Variants in MB21D2 observed in about 807,000 individuals in gnomAD.
MB21D2 encodes the protein nucleotidyltransferase MB21D2.
In MB21D2, 9 loss-of-function variants were observed where a neutral mutation model predicts 33.3. The ratio of observed to expected loss-of-function variants is 0.27; its 90% CI spans 0.16 to 0.47. MB21D2 has a LOEUF of 0.47. MB21D2 is among the 20% of genes least tolerant of loss of function. The pLI, the probability that MB21D2 is intolerant of heterozygous loss-of-function variation, is 0.99. For synonymous variants in MB21D2, 241 were observed against 236.3 expected (o/e 1.02, Z -0.18); for missense variants, 540 against 624.6 (o/e 0.86, Z 1.44).
At position 192,811,162 on chromosome 3, in the gene MB21D2, T is replaced by TC. The variant is rs201221005; in HGVS notation, c.212-11513dup. Among the ~76,000 whole-genome samples, 1,015 of 152,312 alleles carry TC rather than the reference T, an allele frequency of 6.7e-3. 13 individuals carry two copies. Among genetic ancestry groups the TC allele is most frequent in the African/African-American group, 0.023 (939 of 41,560 alleles). ...GAATCAGTAGATAAATGCCCTAGCTTCCCCAGACTCTGTGGGCGATTCTAC... is the reference window on the plus strand; with the variant it reads ...GAATCAGTAGATAAATGCCCTAGCTTCCCCCAGACTCTGTGGGCGATTCTAC... On this transcript the variant is annotated intron_variant, in intron 1 of 1. Transcript: ENST00000392452.
chr3:192,836,027 G>T (rs944623157), intron 1 of MB21D2, among the ~76,000 whole-genome samples: 4 of 152,142 alleles, frequency 2.6e-5, no homozygotes, highest in Admixed American at 6.5e-5. Flanking sequence ...GCAATAGTGA[G>T]GTCAGAGAGT....
At chr3:192,872,865 G>A (rs1713340134) in intron 1 of MB21D2, among the ~76,000 whole-genome samples, 1 of 152,090 alleles carries the variant, frequency 6.6e-6, no homozygotes, top group Non-Finnish European at 1.5e-5. Context: ...CACACATTAG[G>A]GGTGCCATTA....
rs1344113484 is a variant in MB21D2, at chr3:192,844,926, T to C, written c.212-45276A>G. On this transcript the variant is annotated intron_variant, in intron 1 of 1. Transcript: ENST00000392452. ...TCTCGGCCAGGCGGTTGGCAGCCTC[T>C]TTCTCTTTTTTCCTCCCAAGGAAGG... Among the ~76,000 whole-genome samples the C allele has an allele frequency of 2.0e-5, 3 of 152,184 alleles. No homozygotes were observed. The East Asian group carries it at 5.8e-4, about 29-fold the overall frequency.
intron 1 of MB21D2, among the ~76,000 whole-genome samples, chr3:192,906,243 T>C (rs939571541): frequency 1.2e-4 from 19 of 152,126 alleles, no homozygotes; most frequent in African/African-American, 4.6e-4. Flanking sequence ...GTAATCCAAC[T>C]CTTCTACATT....
intron 1 of MB21D2, among the ~76,000 whole-genome samples, chr3:192,822,871 G>A (rs116121641): frequency 1.4e-3 from 206 of 152,222 alleles, no homozygotes; most frequent in African/African-American, 4.6e-3. Flanking sequence ...ATTCTTAAAC[G>A]AGCACTCCGA....
intron 1 of MB21D2, among the ~76,000 whole-genome samples, chr3:192,828,735 G>A (rs1262046269): frequency 6.8e-6 from 1 of 147,214 alleles, no homozygotes; most frequent in Non-Finnish European, 1.5e-5. Flanking sequence ...TGCAGGCTGC[G>A]CCTCCCAGGT....
chr3:192,852,320 T>C (rs1577183747), intron 1 of MB21D2, among the ~76,000 whole-genome samples: 1 of 152,360 alleles, frequency 6.6e-6, no homozygotes, highest in East Asian at 1.9e-4. Context: ...AGACAGGTTG[T>C]GAGGCGAAAG....
intron 1 of MB21D2, among the ~76,000 whole-genome samples, chr3:192,818,060 T>C (rs975794664): frequency 1.3e-5 from 2 of 151,882 alleles, no homozygotes; most frequent in African/African-American, 2.4e-5. Flanking sequence ...CCTGCTGAAA[T>C]CCTGCCAATT....
At chr3:192,882,395 AAATG>A (rs1340505064) in intron 1 of MB21D2, among the ~76,000 whole-genome samples, 1 of 152,088 alleles carries the variant, frequency 6.6e-6, no homozygotes, top group Non-Finnish European at 1.5e-5. Flanking sequence ...CAAAATGGCC[AAATG>A]AATGAACGTA....
intron 1 of MB21D2, among the ~76,000 whole-genome samples, chr3:192,818,102 T>G (rs1394580803): frequency 1.3e-5 from 2 of 152,084 alleles, no homozygotes; most frequent in East Asian, 3.9e-4. Flanking sequence ...CCTCCTAACC[T>G]TACTCCACAA....
chr3:192,842,308 C>T (rs1712591698), intron 1 of MB21D2, among the ~76,000 whole-genome samples: 1 of 152,218 alleles, frequency 6.6e-6, no homozygotes, highest in Admixed American at 6.5e-5. Flanking sequence ...AGGTTTCTAA[C>T]CACTCACTTG....
At chr3:192,810,988 C>G (rs910325157) in intron 1 of MB21D2, among the ~76,000 whole-genome samples, 1 of 152,216 alleles carries the variant, frequency 6.6e-6, no homozygotes, top group Non-Finnish European at 1.5e-5. Context: ...GACAGGCAGT[C>G]CCCGAGATGT....
At chr3:192,813,333 C>A (rs1298011603) in intron 1 of MB21D2, among the ~76,000 whole-genome samples, 1 of 148,792 alleles carries the variant, frequency 6.7e-6, no homozygotes, top group African/African-American at 2.5e-5. Context: ...AACAAAGCTT[C>A]AGTTTCCAGG....
chr3:192,856,754 T>C (rs1222524490), intron 1 of MB21D2, among the ~76,000 whole-genome samples: 1 of 152,102 alleles, frequency 6.6e-6, no homozygotes, highest in Non-Finnish European at 1.5e-5. Flanking sequence ...GGTTTCACCA[T>C]GTTGCCAAGG....
chr3:192,850,843 T>A (rs1643524555), intron 1 of MB21D2, among the ~76,000 whole-genome samples: 1 of 152,180 alleles, frequency 6.6e-6, no homozygotes, highest in Non-Finnish European at 1.5e-5. Flanking sequence ...AACTCCACAG[T>A]CATTTAAGAC....
At chr3:192,892,878 A>G (rs1713882046) in intron 1 of MB21D2, among the ~76,000 whole-genome samples, 1 of 152,216 alleles carries the variant, frequency 6.6e-6, no homozygotes, top group East Asian at 1.9e-4. Flanking sequence ...ATTATGTACA[A>G]AAGGGGGAAA....
chr3:192,872,476 T>A (rs1356277999), intron 1 of MB21D2, among the ~76,000 whole-genome samples: 2 of 150,594 alleles, frequency 1.3e-5, no homozygotes, highest in Non-Finnish European at 3.0e-5. Flanking sequence ...CTCGGGAGGC[T>A]GAGGCAGGAG....
intron 1 of MB21D2, among the ~76,000 whole-genome samples, chr3:192,901,619 C>T (rs371907847): frequency 4.2e-4 from 64 of 152,126 alleles, no homozygotes; most frequent in African/African-American, 1.4e-3. Context: ...CAAACATATG[C>T]CCTCGGAAAG....
chr3:192,841,918 A>G (rs1171985870), intron 1 of MB21D2, among the ~76,000 whole-genome samples: 1 of 152,190 alleles, frequency 6.6e-6, no homozygotes, highest in Non-Finnish European at 1.5e-5. Flanking sequence ...AGACATGAGT[A>G]GAAGTGAACC....
Sources: allele counts gnomAD v4.1 joint callset (sites outside exome capture counted in the v4.1 genomes callset), GRCh38; gene constraint gnomAD v4.1.1; transcripts MANE v1.5; gene names NCBI Gene and HGNC (gene_info 2026-07-23, HGNC 2026-07-21).